C1orf87: variants seen among roughly 807,000 people sequenced by gnomAD.
The protein encoded by C1orf87 is uncharacterized protein C1orf87.
A neutral mutation model predicts 60.5 loss-of-function variants in C1orf87; 58 were observed. That is an observed-to-expected ratio of 0.96 (90% CI 0.78 to 1.19). The LOEUF is 1.19. Ranked by LOEUF, C1orf87 falls within the 50% of genes most tolerant of loss-of-function variation. The pLI, the probability that C1orf87 is intolerant of heterozygous loss-of-function variation, is 0.00. For synonymous variants in C1orf87, 236 were observed against 227.4 expected (o/e 1.04, Z -0.34); for missense variants, 673 against 638.6 (o/e 1.05, Z -0.58).
intron 3 of C1orf87, among the ~76,000 whole-genome samples, chr1:60,044,302 T>A (rs149965810): frequency 0.078 from 11,890 of 152,216 alleles, 507 homozygotes; most frequent in African/African-American, 0.098. Flanking sequence ...AGCGCTGGGA[T>A]TACAGGCGTG....
chr1:60,014,043 TA>T lies in C1orf87; in HGVS notation c.1128-3588del, dbSNP rs1285123354. On this transcript the variant is annotated intron_variant, in intron 8 of 11. Coordinates refer to ENST00000371201, the MANE Select transcript of C1orf87 (RefSeq NM_152377.3). Reference sequence around the variant, plus strand: ...TTACCTTCATCAGATGCAAGCACCATAGTCATATTTTTCCCCTTACCACCTT... The same window carrying T: ...TTACCTTCATCAGATGCAAGCACCATGTCATATTTTTCCCCTTACCACCTT... Among the ~76,000 whole-genome samples the T allele has an allele frequency of 2.6e-5, 4 of 152,164 alleles. No individual in the cohort carries two copies. In the East Asian group the frequency reaches 5.8e-4, roughly 22 times the overall value.
chr1:60,001,343 C>G (rs1308757764), intron 9 of C1orf87, among the ~76,000 whole-genome samples, 187 bp from the exon 10 acceptor site: 1 of 151,898 alleles, frequency 6.6e-6, no homozygotes, highest in Non-Finnish European at 1.5e-5. Context: ...CCCTGGTGGA[C>G]CTCAGATTTG....
At chr1:60,009,225 T>C (rs1645066137) in intron 9 of C1orf87, among the ~76,000 whole-genome samples, 1 of 152,020 alleles carries the variant, frequency 6.6e-6, no homozygotes, top group Non-Finnish European at 1.5e-5. Flanking sequence ...TACTGAGATA[T>C]ATAGAAGACA....
chr1:60,037,878 G>A (rs1645288845), intron 6 of C1orf87, 114 bp downstream of exon 6: 1 of 577,590 alleles, frequency 1.7e-6, no homozygotes, highest in South Asian at 3.7e-5. Flanking sequence ...TCAGCACTGT[G>A]ATTCATACAT....
intron 8 of C1orf87, among the ~76,000 whole-genome samples, chr1:60,023,995 T>A (rs1645181842): frequency 6.6e-6 from 1 of 152,222 alleles, no homozygotes; most frequent in Non-Finnish European, 1.5e-5. Context: ...TTAATCTTCC[T>A]TATCTTTCAT....
chr1:60,047,686 A>G (rs1041717611), intron 3 of C1orf87, among the ~76,000 whole-genome samples: 14 of 151,984 alleles, frequency 9.2e-5, no homozygotes, highest in Admixed American at 3.3e-4. Context: ...AATTTTATTA[A>G]TACTCTACCT....
At position 59,990,586 on chromosome 1, in the gene C1orf87, G is replaced by A. The variant is rs557014698; in HGVS notation, c.*87C>T. ...CGGCCTCCACTCTGACAATGCCTCC[G>A]CCACTACACTTAGGCTGGGGAGAAA... On this transcript the variant is annotated 3_prime_UTR_variant, in exon 12 of 12. Transcript: ENST00000371201. The A allele has an allele frequency of 1.5e-5, 22 of 1,489,316 alleles. No homozygotes were observed. The highest frequency in any genetic ancestry group is 4.6e-5 in the East Asian group (2 of 43,844). The allele number at this position is 1,489,316 out of a possible 1,614,324, so 92.3% of individuals were successfully genotyped here. A position where few individuals can be genotyped will look rare whatever the true frequency, so the allele number is the denominator to read the frequency against.
chr1:60,040,329 G>C (rs1383056442), intron 4 of C1orf87, 149 bp from the exon 5 acceptor site: 1 of 961,414 alleles, frequency 1.0e-6, no homozygotes, highest in Non-Finnish European at 1.5e-6. Flanking sequence ...CACTGAAGGT[G>C]AGCATTCAAT....
At chr1:60,040,966 A>G in intron 4 of C1orf87, 25 bp downstream of exon 4, 1 of 1,568,416 alleles carries the variant, frequency 6.4e-7, no homozygotes, top group Non-Finnish European at 8.7e-7. Flanking sequence ...AATAGACACA[A>G]CTCAACAACT....
Position 59,997,836 on chromosome 1 carries a change from A to G in C1orf87, c.1273-20T>C, listed in dbSNP as rs371515610. 62 of 1,608,908 alleles carry G rather than the reference A, an allele frequency of 3.9e-5. No homozygotes were observed. In the African/African-American group the frequency reaches 5.9e-4, roughly 15 times the overall value. ...AGTTTTCTACCAAAACAACAAAAGC[A>G]TTGGCAACACATTCACCACCCAGAG... On this transcript the variant is annotated intron_variant, in intron 10 of 11. Coordinates refer to ENST00000371201, the MANE Select transcript of C1orf87 (RefSeq NM_152377.3).
chr1:60,030,067 T>C (rs1645226662), intron 7 of C1orf87, among the ~76,000 whole-genome samples: 2 of 152,160 alleles, frequency 1.3e-5, no homozygotes, highest in African/African-American at 4.8e-5. Context: ...ACTGCCGTCA[T>C]TGCACTGTCA....
intron 8 of C1orf87, among the ~76,000 whole-genome samples, chr1:60,023,792 G>T (rs984995082): frequency 2.0e-5 from 3 of 152,044 alleles, no homozygotes; most frequent in Admixed American, 1.3e-4. Context: ...GTTCTTGTTG[G>T]CTGGGACAGT....
chr1:59,997,654 T>C lies in C1orf87; in HGVS notation c.1435A>G (p.Arg479Gly). The change falls in exon 11 of 12, where the codon AGG (arginine) becomes GGG (glycine). Residue 479 changes from arginine to glycine, a missense_variant. Arg to Gly is a moderately radical substitution (Grantham distance 125). Transcript: ENST00000371201. ...AGGTAGAGGGCATTTTCCAGCTTCCTGAACCTGTCTATCCACGTCTCACAT... is the reference window on the plus strand; with the variant it reads ...AGGTAGAGGGCATTTTCCAGCTTCCCGAACCTGTCTATCCACGTCTCACAT... The part of the protein sequence containing the change: ...EECETWIDRF[R>G]KLENALYLCD... 1 of 1,613,964 alleles carries C rather than the reference T, an allele frequency of 6.2e-7. No homozygotes were observed. The highest frequency in any genetic ancestry group is 1.1e-5 in the South Asian group (1 of 91,082).
At chr1:60,011,102 A>G (rs574280803) in intron 8 of C1orf87, 3 of 152,132 alleles carry the variant, frequency 2.0e-5, no homozygotes, top group Admixed American at 6.6e-5. Context: ...GGGGATAAAT[A>G]TGAGTTCTGA....
At chr1:60,054,874 C>T (rs1488599652) in intron 3 of C1orf87, among the ~76,000 whole-genome samples, 4 of 152,064 alleles carry the variant, frequency 2.6e-5, no homozygotes, top group Non-Finnish European at 5.9e-5. Context: ...CAGACTCTTA[C>T]CCTCCAACAC....
intron 6 of C1orf87, among the ~76,000 whole-genome samples, chr1:60,035,485 C>G (rs1026959019): frequency 7.2e-5 from 11 of 152,196 alleles, no homozygotes; most frequent in Admixed American, 3.3e-4. Context: ...TAAAACATCA[C>G]AGAGCTACCC....
chr1:60,060,726 T>C (rs1003260536), intron 2 of C1orf87, among the ~76,000 whole-genome samples: 2 of 152,006 alleles, frequency 1.3e-5, no homozygotes, highest in African/African-American at 4.8e-5. Flanking sequence ...GTATTAAAAA[T>C]CTATTCTGAT....
chr1:60,043,439 T>C (rs540687034), intron 3 of C1orf87, among the ~76,000 whole-genome samples: 41 of 152,122 alleles, frequency 2.7e-4, no homozygotes, highest in Non-Finnish European at 5.1e-4. Flanking sequence ...TGGAGTACAG[T>C]GGCGCGATCT....
chr1:60,064,998 A>AAATATATAAAATAT (rs1557482155), intron 2 of C1orf87, among the ~76,000 whole-genome samples: 1 of 17,194 alleles, frequency 5.8e-5, no homozygotes, highest in African/African-American at 1.8e-4. Context: ...AATACATATA[A>AAATATATAAAATAT]ATATTAAATA....
Sources: gnomAD v4.1 joint callset for allele counts (sites outside exome capture counted in the v4.1 genomes callset) on GRCh38, gnomAD v4.1.1 for gene constraint, MANE v1.5 for transcripts, NCBI Gene and HGNC (gene_info 2026-07-23, HGNC 2026-07-21) for gene names.